CSMD1: variants seen among roughly 807,000 people sequenced by gnomAD.
CSMD1 encodes CUB and sushi domain-containing protein 1.
A neutral mutation model predicts 417.5 loss-of-function variants in CSMD1; 213 were observed. That is an observed-to-expected ratio of 0.51 (90% CI 0.46 to 0.57). The LOEUF (loss-of-function observed/expected upper bound fraction) is 0.57, where lower values mean the gene tolerates loss of function less well. Ranked by LOEUF, CSMD1 falls within the 20% of genes least tolerant of loss-of-function variation. The pLI is 0.00. For missense variants in CSMD1, 6,923 were observed against 4,529.7 expected, an observed-to-expected ratio of 1.53 and a Z score of -15.17; for synonymous variants, 2,862 against 1,736.8, an observed-to-expected ratio of 1.65 and a Z score of -16.11.
rs138309867 is a variant in CSMD1 at position 3,526,802 on chromosome 8, C to G, written c.1345-33076G>C. On this transcript the variant is annotated intron_variant, in intron 10 of 69. Coordinates refer to ENST00000635120, the MANE Select transcript of CSMD1 (RefSeq NM_033225.6). Reference sequence around the variant, plus strand: ...TTCCTAGTATTTGCAGCAGACGACGCTGGTTATGTATGTAACAACCTGTAT... The same window carrying G: ...TTCCTAGTATTTGCAGCAGACGACGGTGGTTATGTATGTAACAACCTGTAT... 1.1e-3 allele frequency among the ~76,000 whole-genome samples: 167 copies of G among 152,328 alleles called. 3 individuals are homozygous for G. Among genetic ancestry groups the G allele is most frequent in the Admixed American group, 8.4e-3 (129 of 15,298 alleles).
intron 7 of CSMD1, among the ~76,000 whole-genome samples, chr8:3,671,047 G>GTATATGGGATATATATATA (rs1231383963): frequency 2.5e-5 from 3 of 121,644 alleles, no homozygotes; most frequent in African/African-American, 8.3e-5. Flanking sequence ...GGATATATAT[G>GTATATGGGATATATATATA]TATATAGGAT....
chr8:3,743,497 T>C (rs1297268363), intron 6 of CSMD1, among the ~76,000 whole-genome samples: 1 of 152,234 alleles, frequency 6.6e-6, no homozygotes. Flanking sequence ...GGAAAAAGTT[T>C]CTTCAAAAAG....
chr8:4,292,511 C>A (rs1009997263), intron 3 of CSMD1, among the ~76,000 whole-genome samples: 1 of 152,114 alleles, frequency 6.6e-6, no homozygotes, highest in Non-Finnish European at 1.5e-5. Context: ...CTTGGCCTCC[C>A]CGAGTGCTGG....
At chr8:3,987,248 G>A (rs1454094061) in intron 5 of CSMD1, among the ~76,000 whole-genome samples, 1 of 152,186 alleles carries the variant, frequency 6.6e-6, no homozygotes, top group South Asian at 2.1e-4. Context: ...TGCTTCCCAT[G>A]CTCAAAGGCT....
Position 4,733,480 on chromosome 8 carries a change from A to G in CSMD1, c.86-95922T>C, listed in dbSNP as rs117428939. 6.9e-3 allele frequency among the ~76,000 whole-genome samples: 1,058 copies of G among 152,326 alleles called. 12 individuals carry two copies. The highest frequency in any genetic ancestry group is 0.032 in the South Asian group (154 of 4,830). ...GCTAATGTCTACTAAAATCTATTAC[A>G]GGACTGCCAGTTTTACACATAATCC... On this transcript the variant is annotated intron_variant, in intron 1 of 69. Transcript: ENST00000635120.
intron 3 of CSMD1, among the ~76,000 whole-genome samples, chr8:4,277,909 G>A (rs558518188): frequency 3.3e-5 from 5 of 151,864 alleles, no homozygotes; most frequent in Non-Finnish European, 7.4e-5. Context: ...CACCATCCCC[G>A]GCTAATTTTT....
rs530900922 is a variant in CSMD1, at chr8:3,773,423, A to G, written c.819-19381T>C. On this transcript the variant is annotated intron_variant, in intron 5 of 69. Transcript: ENST00000635120. Reference sequence around the variant, plus strand: ...CACCTCAGCCTCCAGAGTAGCTGGGACGACAGTCATGCACCACTATGCCTG... The same window carrying G: ...CACCTCAGCCTCCAGAGTAGCTGGGGCGACAGTCATGCACCACTATGCCTG... 2.6e-5 allele frequency among the ~76,000 whole-genome samples: 4 copies of G among 152,176 alleles called. No homozygotes were observed. The South Asian group carries it at 8.3e-4, about 32-fold the overall frequency.
chr8:4,189,697 GAATT>G (rs1161879800), intron 3 of CSMD1, among the ~76,000 whole-genome samples: 1 of 151,914 alleles, frequency 6.6e-6, no homozygotes, highest in Non-Finnish European at 1.5e-5. Flanking sequence ...AGAGTGTTGA[GAATT>G]AATTTTTCAT....
chr8:3,791,182 G>C (rs368237281), intron 5 of CSMD1, among the ~76,000 whole-genome samples: 2 of 152,140 alleles, frequency 1.3e-5, no homozygotes, highest in African/African-American at 4.8e-5. Flanking sequence ...GGAGCATTTA[G>C]ATGTGTTTGT....
chr8:4,564,221 G>A (rs952747913), intron 2 of CSMD1, among the ~76,000 whole-genome samples: 17 of 152,128 alleles, frequency 1.1e-4, no homozygotes, highest in Admixed American at 5.9e-4. Flanking sequence ...CCCTGGACAT[G>A]CACAAGGAAA....
chr8:3,280,089 A>G (rs6558749), intron 26 of CSMD1, among the ~76,000 whole-genome samples: 123,545 of 152,070 alleles, frequency 0.81, 50,238 homozygotes, highest in Admixed American at 0.88. Context: ...CTGAAGAGAG[A>G]GGTACTAGGC....
chr8:4,049,774 C>A (rs898351533), intron 3 of CSMD1, among the ~76,000 whole-genome samples: 1 of 152,114 alleles, frequency 6.6e-6, no homozygotes, highest in Non-Finnish European at 1.5e-5. Flanking sequence ...ATGGCCACAG[C>A]CCGTTTTCCT....
intron 5 of CSMD1, among the ~76,000 whole-genome samples, chr8:3,891,560 G>T (rs146571732): frequency 6.6e-6 from 1 of 152,038 alleles, no homozygotes; most frequent in Non-Finnish European, 1.5e-5. Context: ...GTGTACACCT[G>T]TAGTCTCAAC....
At chr8:3,321,199 T>C (rs9314485) in intron 23 of CSMD1, among the ~76,000 whole-genome samples, 114,878 of 151,908 alleles carry the variant, frequency 0.76, 48,087 homozygotes, top group Non-Finnish European at 0.94. Context: ...GTCTAAGCCT[T>C]CCTCACTGCA....
intron 3 of CSMD1, among the ~76,000 whole-genome samples, chr8:4,178,613 T>C (rs1185661418): frequency 6.6e-6 from 1 of 151,832 alleles, no homozygotes; most frequent in Non-Finnish European, 1.5e-5. Context: ...ATAAAGGGTA[T>C]TCAATTAGGA....
chr8:3,541,840 C>A (rs1469265392), intron 10 of CSMD1, among the ~76,000 whole-genome samples: 2 of 151,700 alleles, frequency 1.3e-5, no homozygotes, highest in Admixed American at 6.6e-5. Context: ...GCAATTCCAA[C>A]ACTTTGATGT....
intron 18 of CSMD1, among the ~76,000 whole-genome samples, chr8:3,379,795 CT>C (rs2116765065): frequency 6.6e-6 from 1 of 152,220 alleles, no homozygotes; most frequent in African/African-American, 2.4e-5. Context: ...CATAAAAACC[CT>C]AGAAGAAAAC....
intron 1 of CSMD1, among the ~76,000 whole-genome samples, chr8:4,667,545 T>C (rs1805019060): frequency 1.3e-5 from 2 of 152,194 alleles, no homozygotes; most frequent in Admixed American, 6.5e-5. Context: ...CCTATATTAG[T>C]GTATTGTAGT....
intron 2 of CSMD1, among the ~76,000 whole-genome samples, chr8:4,561,036 T>C (rs1249869974): frequency 6.6e-6 from 1 of 152,086 alleles, no homozygotes; most frequent in Non-Finnish European, 1.5e-5. Flanking sequence ...CCCATACCAA[T>C]CCACAGGAAT....
Sources: allele counts gnomAD v4.1 joint callset (sites outside exome capture counted in the v4.1 genomes callset), GRCh38; gene constraint gnomAD v4.1.1; transcripts MANE v1.5; gene names NCBI Gene and HGNC (gene_info 2026-07-23, HGNC 2026-07-21).